HERC2: variants seen among roughly 807,000 people sequenced by gnomAD.
HERC2 encodes E3 ubiquitin-protein ligase HERC2.
Under a neutral mutation model 537.7 loss-of-function variants are expected in HERC2, and 102 were observed. The ratio of observed to expected loss-of-function variants is 0.19; its 90% confidence interval spans 0.16 to 0.22. The LOEUF is 0.22. HERC2 is among the 10% of genes least tolerant of loss of function. The pLI is 1.00. For missense variants in HERC2, 4,236 were observed against 6,198.2 expected, an observed-to-expected ratio of 0.68 and a Z score of 10.63; for synonymous variants, 2,224 against 2,466.2, an observed-to-expected ratio of 0.90 and a Z score of 2.91.
Position 28,177,174 on chromosome 15 carries a change from T to TA in HERC2, c.9255-48dup. 2 of 1,563,256 alleles carry TA rather than the reference T, an allele frequency of 1.3e-6. No homozygotes were observed. Among genetic ancestry groups the TA allele is most frequent in the South Asian group, 1.2e-5 (1 of 85,370 alleles). On this transcript the variant is annotated intron_variant, in intron 60 of 92. Coordinates refer to ENST00000261609, the MANE Select transcript of HERC2 (RefSeq NM_004667.6). This position sits in a 1 kb window ranked among gnomAD's most constrained non-coding sequence, Gnocchi z 5.0. ...TCTCTACAGTCAATCTGTCCCTTCT[T>TA]AGAGATGAAGGAAAAAAGACATCTA...
intron 88 of HERC2, 91 bp downstream of exon 88, chr15:28,116,574 T>G: frequency 2.4e-6 from 3 of 1,260,230 alleles, no homozygotes; most frequent in Non-Finnish European, 3.3e-6. Context: ...ATTCAAGATA[T>G]CTACTGTCAC....
At chr15:28,289,937 C>A (rs575511596) in intron 4 of HERC2, among the ~76,000 whole-genome samples, 2 of 152,106 alleles carry the variant, frequency 1.3e-5, no homozygotes, top group Admixed American at 1.3e-4. Flanking sequence ...GGATTACACA[C>A]CTAAGTGAGA....
rs1895420079 is a variant in HERC2, at chr15:28,177,596, T to C, written c.9164-87A>G. The C allele has an allele frequency of 9.0e-7, 1 of 1,112,340 alleles. No homozygotes were observed. Among genetic ancestry groups the C allele is most frequent in the Non-Finnish European group, 1.4e-6 (1 of 726,898 alleles). 68.9% of individuals were successfully genotyped at this position (1,112,340 alleles called of 1,614,324 possible). A position where few individuals can be genotyped will look rare whatever the true frequency, so the allele number is the denominator to read the frequency against. On this transcript the variant is annotated intron_variant, in intron 59 of 92. Coordinates refer to ENST00000261609, the MANE Select transcript of HERC2 (RefSeq NM_004667.6). The surrounding 1 kb of genome is among the most constrained non-coding windows in gnomAD (Gnocchi z 5.0). ...CTAGCTCCCTATTTTGCCTGGCATATAGCACACACTCAATGAGCGTGAGCT... is the reference window on the plus strand; with the variant it reads ...CTAGCTCCCTATTTTGCCTGGCATACAGCACACACTCAATGAGCGTGAGCT...
chr15:28,184,064 A>G (rs1010847134), intron 56 of HERC2, among the ~76,000 whole-genome samples: 6 of 152,012 alleles, frequency 3.9e-5, no homozygotes, highest in African/African-American at 1.4e-4. Flanking sequence ...GGTAGCAGAC[A>G]CCTGTAATCC....
At chr15:28,185,958 A>C (rs1006048969) in intron 56 of HERC2, among the ~76,000 whole-genome samples, 1 of 152,272 alleles carries the variant, frequency 6.6e-6, no homozygotes, top group Non-Finnish European at 1.5e-5. Context: ...ATACAACAAC[A>C]GTCATCATCA....
rs1475783661 is a variant in HERC2 at position 28,272,306 on chromosome 15, T to C, written c.992A>G (p.Gln331Arg). The C allele has an allele frequency of 3.7e-6, 6 of 1,612,120 alleles. 1 individual carries two copies. The East Asian group carries it at 6.7e-5, about 18-fold the overall frequency. The change falls in exon 9 of 93, where the codon CAG becomes CGG. Residue 331 changes from glutamine (Q) to arginine (R), a missense_variant. By Grantham distance (43) the Gln-to-Arg change is conservative. Coordinates refer to ENST00000261609, the MANE Select transcript of HERC2 (RefSeq NM_004667.6). ...AQETDNERSA[Q>R]GTSAPLLPLL... is the part of the protein sequence containing the mutation. ...GGGCAAAAGTGGGGCGCTGGTGCCC[T>C]GGGCGGAACGCTCATTGTCAGTCTC...
chr15:28,231,882 TC>T (rs1901893742), intron 30 of HERC2, among the ~76,000 whole-genome samples: 1 of 150,456 alleles, frequency 6.6e-6, no homozygotes, highest in African/African-American at 2.4e-5. Flanking sequence ...ACACAATAAA[TC>T]TATAAACCCA....
chr15:28,157,121 T>C (rs1893088984), intron 69 of HERC2, among the ~76,000 whole-genome samples: 1 of 152,222 alleles, frequency 6.6e-6, no homozygotes, highest in African/African-American at 2.4e-5. Flanking sequence ...GTGGATAAGC[T>C]TTTTGATGTG....
intron 4 of HERC2, among the ~76,000 whole-genome samples, chr15:28,291,393 C>G (rs1423968869): frequency 6.6e-6 from 1 of 151,704 alleles, no homozygotes; most frequent in Non-Finnish European, 1.5e-5. Context: ...GCAGGCGTCA[C>G]AAATTATTTT....
In HERC2 at chr15:28,176,406, G is replaced by A; in HGVS notation, c.9686+22C>T. ...ACACCTGCACAAGCACACACAGTGT[G>A]ACAGGGAGGACGTTTACGTACCATG... On this transcript the variant is annotated intron_variant, in intron 63 of 92. Transcript: ENST00000261609. The surrounding 1 kb of genome is among the most constrained non-coding windows in gnomAD (Gnocchi z 5.0). 1 of 1,612,820 alleles carries A rather than the reference G, an allele frequency of 6.2e-7. No homozygotes were observed. Among genetic ancestry groups the A allele is most frequent in the Non-Finnish European group, 8.5e-7 (1 of 1,179,006 alleles).
At chr15:28,290,320 T>C (rs1455521634) in intron 4 of HERC2, among the ~76,000 whole-genome samples, 1 of 152,074 alleles carries the variant, frequency 6.6e-6, no homozygotes, top group African/African-American at 2.4e-5. Context: ...TTTTGAGATG[T>C]AGTCTCGCTT....
chr15:28,154,103 ACT>A (rs1318956040), intron 69 of HERC2, among the ~76,000 whole-genome samples: 13 of 152,126 alleles, frequency 8.5e-5, no homozygotes, highest in South Asian at 2.1e-4. Context: ...GTGATTATAA[ACT>A]CTGTTATTTT....
At chr15:28,118,485 A>G (rs1888523537) in intron 86 of HERC2, 1 of 152,270 alleles carries the variant, frequency 6.6e-6, no homozygotes, top group Admixed American at 6.5e-5. Flanking sequence ...TGTGCATGCA[A>G]TAACTCTGTA....
chr15:28,291,437 A>C (rs1749594437), intron 4 of HERC2, among the ~76,000 whole-genome samples: 1 of 152,130 alleles, frequency 6.6e-6, no homozygotes, highest in Admixed American at 6.6e-5. Context: ...ATGTCCATGC[A>C]AGGAAAAAAA....
chr15:28,246,466 ATAAAAT>A (rs1401882787), intron 22 of HERC2, among the ~76,000 whole-genome samples: 1 of 152,224 alleles, frequency 6.6e-6, no homozygotes, highest in African/African-American at 2.4e-5. Context: ...TGCTGTCAAA[ATAAAAT>A]TAGACAATTA....
intron 16 of HERC2, among the ~76,000 whole-genome samples, chr15:28,259,335 TCCAC>T (rs202096057): frequency 0.019 from 2,919 of 152,188 alleles, 94 homozygotes; most frequent in African/African-American, 0.066. Context: ...CCTCAGGTGA[TCCAC>T]CCATCTCGGC....
chr15:28,248,963 G>A (rs578019748), intron 20 of HERC2, among the ~76,000 whole-genome samples: 133 of 152,298 alleles, frequency 8.7e-4, no homozygotes, highest in Non-Finnish European at 1.8e-3. Flanking sequence ...TGATGCCCTC[G>A]TGCTTCACTA....
intron 52 of HERC2, among the ~76,000 whole-genome samples, chr15:28,193,614 C>T (rs1897059982): frequency 6.6e-6 from 1 of 152,082 alleles, no homozygotes; most frequent in African/African-American, 2.4e-5. Context: ...GCCCCAGAAG[C>T]CCTACCAACC....
intron 22 of HERC2, 65 bp downstream of exon 22, chr15:28,246,672 CAAAGA>C: frequency 7.5e-7 from 1 of 1,338,054 alleles, no homozygotes; most frequent in Non-Finnish European, 1.0e-6. Context: ...TGCTGATCAG[CAAAGA>C]AGACACTTTA....
Sources: gnomAD v4.1 joint callset for allele counts (sites outside exome capture counted in the v4.1 genomes callset) on GRCh38, gnomAD v4.1.1 for gene constraint, Gnocchi (gnomAD v3.1) non-coding constraint, MANE v1.5 for transcripts, NCBI Gene and HGNC (gene_info 2026-07-23, HGNC 2026-07-21) for gene names.